Variants in LRRC75B observed in about 807,000 individuals in gnomAD.
The protein encoded by LRRC75B is leucine-rich repeat-containing protein 75B.
A neutral mutation model predicts 16.5 loss-of-function variants in LRRC75B; 20 were observed. The observed-to-expected ratio is 1.21, with a 90% confidence interval of 0.85 to 1.76. The LOEUF (loss-of-function observed/expected upper bound fraction) is 1.76, where lower values mean the gene tolerates loss of function less well. LRRC75B is among the 40% of genes most tolerant of loss of function. The pLI, the probability that LRRC75B is intolerant of heterozygous loss-of-function variation, is 0.00. For missense variants in LRRC75B, 406 were observed against 417.0 expected (o/e 0.97, Z 0.23); for synonymous variants, 199 against 198.1 (o/e 1.00, Z -0.04).
intron 1 of LRRC75B, chr22:24,592,541 G>C (rs1019055372): frequency 2.3e-6 from 1 of 437,566 alleles, no homozygotes; most frequent in Non-Finnish European, 4.5e-6. Context: ...GGGCTCTTAG[G>C]TCCAGGCTAC....
intron 1 of LRRC75B, 184 bp downstream of exon 1, chr22:24,592,679 C>T (rs946775523): frequency 2.4e-5 from 27 of 1,133,556 alleles, no homozygotes; most frequent in Non-Finnish European, 2.3e-5. Flanking sequence ...CTCTCGCCCA[C>T]GCAAGACCCC....
Position 24,589,828 on chromosome 22 carries a change from G to C in LRRC75B, c.299C>G (p.Pro100Arg). 3.1e-6 allele frequency: 5 copies of C among 1,612,630 alleles called. No individual in the cohort carries two copies. Among genetic ancestry groups the C allele is most frequent in the Non-Finnish European group, 4.2e-6 (5 of 1,179,530 alleles). Residue 100 changes from proline (P) to arginine (R), a missense_variant, in exon 2 of 4, where the codon CCC becomes CGC. Transcript: ENST00000318753. ...LVNLARDLQC[P>R]KKDYELWKSS... ...CGTGCCTGCCAGCCTCACCTTCTTGGGGCACTGCAGGTCCCGGGCCAGGTT... is the reference window on the plus strand; with the variant it reads ...CGTGCCTGCCAGCCTCACCTTCTTGCGGCACTGCAGGTCCCGGGCCAGGTT...
At position 24,589,859 on chromosome 22, in the gene LRRC75B, G is replaced by A; in HGVS notation, c.268C>T (p.Leu90Phe). 6.2e-6 allele frequency: 10 copies of A among 1,613,840 alleles called. No homozygotes were observed. The highest frequency in any genetic ancestry group is 1.1e-5 in the South Asian group (1 of 91,036). ...NPVDPISHDL[L>F]VNLARDLQCP... ...TGCAGGTCCCGGGCCAGGTTCACAA[G>A]CAGGTCATGGGAGATGGGGTCGACC... is the stretch of plus-strand genomic sequence containing the variant. Residue 90 changes from leucine (L) to phenylalanine (F), a missense_variant, in exon 2 of 4, where the codon CTT (leucine) becomes TTT (phenylalanine). Transcript: ENST00000318753.
intron 1 of LRRC75B, among the ~76,000 whole-genome samples, chr22:24,590,594 G>A (rs1026215446): frequency 6.6e-6 from 1 of 152,100 alleles, no homozygotes; most frequent in African/African-American, 2.4e-5. Context: ...TGGTGGGGGG[G>A]TTTGCTCTTC....
intron 1 of LRRC75B, chr22:24,592,131 G>C: frequency 7.9e-6 from 3 of 378,880 alleles, no homozygotes; most frequent in Non-Finnish European, 1.6e-5. Context: ...GTGGGGACGG[G>C]GTGGTGAGGG....
chr22:24,592,600 A>C, intron 1 of LRRC75B: 1 of 512,608 alleles, frequency 2.0e-6, no homozygotes, highest in East Asian at 4.1e-5. Flanking sequence ...AAAGACCCGG[A>C]CACACTCAGC....
At chr22:24,589,061 A>C in intron 2 of LRRC75B, 9 of 1,030,664 alleles carry the variant, frequency 8.7e-6, no homozygotes, top group Non-Finnish European at 9.4e-6. Context: ...GCCGTGGGCT[A>C]GGCGCAGAGT....
At chr22:24,592,716 G>C (rs1156494482) in intron 1 of LRRC75B, 147 bp downstream of exon 1, 7 of 1,293,268 alleles carry the variant, frequency 5.4e-6, no homozygotes, top group Non-Finnish European at 7.0e-6. Flanking sequence ...CGCGCCCTCG[G>C]AACCCGCCTG....
chr22:24,586,205 A>T lies in LRRC75B; in HGVS notation c.629T>A (p.Leu210His). ...LLPSLWALPR[L>H]TQLLLNGNRL... is the part of the protein sequence containing the mutation. ...GTTGCCGTTGAGCAGGAGCTGGGTG[A>T]GGCGGGGCAGCGCCCACAGGCTGGG... The change falls in exon 4 of 4, where the codon CTC becomes CAC. Residue 210 changes from leucine to histidine, a missense_variant. Transcript: ENST00000318753. 1.9e-6 allele frequency: 3 copies of T among 1,613,692 alleles called. No homozygotes were observed. The highest frequency in any genetic ancestry group is 2.5e-6 in the Non-Finnish European group (3 of 1,180,016).
intron 2 of LRRC75B, chr22:24,588,609 G>A (rs924792352): frequency 2.2e-5 from 22 of 1,016,542 alleles, no homozygotes; most frequent in South Asian, 1.6e-4. Context: ...CCCTGTCCTC[G>A]GGCCCAGGGC....
At chr22:24,592,459 C>A in intron 1 of LRRC75B, 1 of 468,822 alleles carries the variant, frequency 2.1e-6, no homozygotes. Flanking sequence ...TCCATTGTCT[C>A]TCAATACAAG....
rs1302450442 is a variant in LRRC75B at position 24,592,850 on chromosome 22, C to T, written c.177+13G>A. ...TGGCCGCCAGCCCAGGGGCGGACGG[C>T]TCCTTCTCTCGCCTGGCGCAGGAGG... is the stretch of plus-strand genomic sequence containing the variant. On this transcript the variant is annotated intron_variant, in intron 1 of 3. Coordinates refer to ENST00000318753, the MANE Select transcript of LRRC75B (RefSeq NM_207644.3). 3.1e-6 allele frequency: 4 copies of T among 1,278,216 alleles called. No homozygotes were observed. The highest frequency in any genetic ancestry group is 4.0e-6 in the Non-Finnish European group (4 of 1,012,176). 79.2% of individuals were successfully genotyped at this position (1,278,216 alleles called of 1,614,324 possible).
chr22:24,587,069 C>T (rs1028253808), intron 3 of LRRC75B, among the ~76,000 whole-genome samples: 27 of 152,314 alleles, frequency 1.8e-4, no homozygotes, highest in African/African-American at 5.5e-4. Context: ...CACCACTAAG[C>T]GGGGAACCAG....
intron 1 of LRRC75B, chr22:24,592,619 C>A: frequency 1.8e-6 from 1 of 556,216 alleles, no homozygotes; most frequent in Non-Finnish European, 3.0e-6. Context: ...GCAGCCCCCT[C>A]CTCCACACGG....
chr22:24,591,982 T>C (rs2045580620), intron 1 of LRRC75B, among the ~76,000 whole-genome samples: 1 of 152,240 alleles, frequency 6.6e-6, no homozygotes, highest in African/African-American at 2.4e-5. Context: ...CCACATTTTC[T>C]CTGTGGGCCC....
At chr22:24,592,341 G>A (rs1428605078) in intron 1 of LRRC75B, 1 of 470,604 alleles carries the variant, frequency 2.1e-6, no homozygotes. Flanking sequence ...GGCTCTCTGT[G>A]GGCTGCCATG....
At chr22:24,591,374 T>A (rs1315643160) in intron 1 of LRRC75B, among the ~76,000 whole-genome samples, 1 of 152,256 alleles carries the variant, frequency 6.6e-6, no homozygotes, top group African/African-American at 2.4e-5. Context: ...CCACTGCATC[T>A]GGCCCAGAGG....
chr22:24,588,517 G>C (rs1193438650), intron 2 of LRRC75B, 188 bp from the exon 3 acceptor site: 1 of 756,964 alleles, frequency 1.3e-6, no homozygotes, highest in Non-Finnish European at 2.1e-6. Context: ...AGAGCCAGGG[G>C]AGGCTGCCCT....
At chr22:24,586,745 G>A (rs2045406764) in intron 3 of LRRC75B, among the ~76,000 whole-genome samples, 3 of 152,160 alleles carry the variant, frequency 2.0e-5, no homozygotes, top group African/African-American at 7.2e-5. Flanking sequence ...TTGTCAGGCT[G>A]GTCTCGAACT....
Sources: gnomAD v4.1 joint callset for allele counts (sites outside exome capture counted in the v4.1 genomes callset) on GRCh38, gnomAD v4.1.1 for gene constraint, MANE v1.5 for transcripts, NCBI Gene and HGNC (gene_info 2026-07-23, HGNC 2026-07-21) for gene names.